RBCK1: variants seen among roughly 807,000 people sequenced by gnomAD.
RBCK1 encodes the protein RANBP2-type and C3HC4-type zinc finger containing 1.
Under a neutral mutation model 71.1 loss-of-function variants are expected in RBCK1, and 44 were observed. That is an observed-to-expected ratio of 0.62 (90% CI 0.49 to 0.80). The LOEUF (loss-of-function observed/expected upper bound fraction) is 0.80, where lower values mean the gene tolerates loss of function less well. Ranked by LOEUF, RBCK1 falls within the 30% of genes least tolerant of loss-of-function variation. RBCK1 has a pLI of 0.00. For synonymous variants in RBCK1, 306 were observed against 279.7 expected, an observed-to-expected ratio of 1.09 and a Z score of -0.94; for missense variants, 569 against 685.0, an observed-to-expected ratio of 0.83 and a Z score of 1.89.
At position 409,862 on chromosome 20, in the gene RBCK1, C is replaced by T; in HGVS notation, c.23-19C>T. 1 of 1,611,410 alleles carries T rather than the reference C, an allele frequency of 6.2e-7. No homozygotes were observed. The highest frequency in any genetic ancestry group is 1.7e-5 in the Admixed American group (1 of 59,802). On this transcript the variant is annotated intron_variant, in intron 1 of 11. Coordinates refer to ENST00000356286, the MANE Select transcript of RBCK1 (RefSeq NM_031229.4). ...AAATAAACCCTGTGCTAACTGGCTC[C>T]TGCTGTACTGGCTTTCAGCAGAGGA...
chr20:419,247 T>G, intron 4 of RBCK1, 100 bp from the exon 5 acceptor site: 1 of 1,507,924 alleles, frequency 6.6e-7, no homozygotes, highest in South Asian at 1.2e-5. Context: ...AGGGAGAGGA[T>G]AGGGGGAGGG....
At chr20:421,422 G>A (rs537866020) in intron 7 of RBCK1, among the ~76,000 whole-genome samples, 3 of 152,326 alleles carry the variant, frequency 2.0e-5, no homozygotes, top group African/African-American at 7.2e-5. Flanking sequence ...CACCACAGCG[G>A]ACCCTTGTGG....
chr20:421,801 G>A, intron 7 of RBCK1: 1 of 319,524 alleles, frequency 3.1e-6, no homozygotes, highest in Non-Finnish European at 5.9e-6. Flanking sequence ...TGGGTAGGAT[G>A]GGAGTCACTG....
chr20:426,090 T>C (rs6051939), intron 8 of RBCK1, among the ~76,000 whole-genome samples: 6,230 of 152,258 alleles, frequency 0.041, 362 homozygotes, highest in African/African-American at 0.13. Flanking sequence ...TTTTTGCGGG[T>C]ACATAGTTGG....
chr20:426,137 C>T (rs537892511), intron 8 of RBCK1, among the ~76,000 whole-genome samples: 1 of 152,288 alleles, frequency 6.6e-6, no homozygotes, highest in South Asian at 2.1e-4. Flanking sequence ...TACTTTGATA[C>T]AGGCATGCAA....
At chr20:415,368 C>CA (rs772851007) in intron 2 of RBCK1, among the ~76,000 whole-genome samples, 39 of 38,024 alleles carry the variant, frequency 1.0e-3, no homozygotes, top group Non-Finnish European at 1.5e-3. Flanking sequence ...GACCCTGTCT[C>CA]AAAAAAAACA....
In RBCK1 at chr20:427,360, C is replaced by T. The variant is rs1423925728; in HGVS notation, c.1077C>T (p.Ser359=). ...AGCGATTTCTAGACCTGGGCATCTC[C>T]ATTGCTGAAAACCGCAGTGCCTTCA... ...DYQRFLDLGI[S]IAENRSAFSY... is the part of the protein sequence containing the mutation. The change falls in exon 9 of 12, where the codon TCC becomes TCT. Residue 359 remains serine, a synonymous_variant. Coordinates refer to ENST00000356286, the MANE Select transcript of RBCK1 (RefSeq NM_031229.4). 5 of 1,614,034 alleles carry T rather than the reference C, an allele frequency of 3.1e-6. No individual in the cohort carries two copies. Among genetic ancestry groups the T allele is most frequent in the Admixed American group, 1.7e-5 (1 of 59,994 alleles).
At chr20:421,397 G>T (rs571951673) in intron 7 of RBCK1, among the ~76,000 whole-genome samples, 1 of 152,164 alleles carries the variant, frequency 6.6e-6, no homozygotes, top group Admixed American at 6.5e-5. Flanking sequence ...TGAATGTGGG[G>T]AACACAGACC....
intron 2 of RBCK1, chr20:410,445 C>T: frequency 1.3e-6 from 1 of 779,728 alleles, no homozygotes; most frequent in Non-Finnish European, 2.4e-6. Flanking sequence ...ATTCCAGCTC[C>T]ATCCAGCCAT....
intron 8 of RBCK1, among the ~76,000 whole-genome samples, chr20:425,644 T>TTTTTTTG (rs61202599): frequency 7.9e-6 from 1 of 125,966 alleles, no homozygotes; most frequent in African/African-American, 2.8e-5. Flanking sequence ...TTTTTTTTTT[T>TTTTTTTG]GAGACGAAGT....
chr20:428,873 T>C lies in RBCK1; in HGVS notation c.1309-78T>C. On this transcript the variant is annotated intron_variant, in intron 10 of 11. Coordinates refer to ENST00000356286, the MANE Select transcript of RBCK1 (RefSeq NM_031229.4). The surrounding 1 kb of genome is among the most constrained non-coding windows in gnomAD (Gnocchi z 5.7). ...TCCACAGCTCTAGAGGGTCACCACC[T>C]TCTCCCTGCCATGGGGAGGGGCCAG... 1 of 1,504,102 alleles carries C rather than the reference T, an allele frequency of 6.6e-7. No individual in the cohort carries two copies. The highest frequency in any genetic ancestry group is 8.8e-7 in the Non-Finnish European group (1 of 1,134,926). The allele number at this position is 1,504,102 out of a possible 1,614,324, so 93.2% of individuals were successfully genotyped here. A position where few individuals can be genotyped will look rare whatever the true frequency, so the allele number is the denominator to read the frequency against.
chr20:431,239 C>T lies in RBCK1; in HGVS notation c.*809C>T, dbSNP rs556270791. Among the ~76,000 whole-genome samples, 3 of 151,996 alleles carry T rather than the reference C, an allele frequency of 2.0e-5. No homozygotes were observed. The highest frequency in any genetic ancestry group is 6.6e-5 in the Admixed American group (1 of 15,254). On this transcript the variant is annotated 3_prime_UTR_variant, in exon 12 of 12. Transcript: ENST00000356286. The surrounding 1 kb of genome is among the most constrained non-coding windows in gnomAD (Gnocchi z 4.8). ...CTGCAGAGAAGGATGGGCTTAGGGG[C>T]GGGAGGGGAAGTCTTGCCACTCCTG...
In RBCK1 at chr20:408,468, C is replaced by G; in HGVS notation, c.-290C>G. On this transcript the variant is annotated 5_prime_UTR_variant, in exon 1 of 12. Transcript: ENST00000356286. ...GGGTGGTGTCCGGGCGTCCTTTCCC[C>G]GCTTCTTCCCACCTCGGCTGGTCCC... 1.9e-6 allele frequency: 1 copy of G among 530,038 alleles called. No individual in the cohort carries two copies. The highest frequency in any genetic ancestry group is 2.3e-5 in the South Asian group (1 of 43,940). The allele number at this position is 530,038 out of a possible 1,614,324, so 32.8% of individuals were successfully genotyped here. A position where few individuals can be genotyped will look rare whatever the true frequency, so the allele number is the denominator to read the frequency against.
At position 417,795 on chromosome 20, in the gene RBCK1, C is replaced by T. The variant is rs1568554654; in HGVS notation, c.325C>T (p.Arg109Ter). 19 of 1,614,028 alleles carry T rather than the reference C, an allele frequency of 1.2e-5. No individual in the cohort carries two copies. The highest frequency in any genetic ancestry group is 2.2e-5 in the South Asian group (2 of 91,082). ...GTGGGTGATTGGGCAGCGGCTGGCACGAGACCAGGAGACCCTGCACTCCCA... is the reference window on the plus strand; with the variant it reads ...GTGGGTGATTGGGCAGCGGCTGGCATGAGACCAGGAGACCCTGCACTCCCA... Reference protein sequence around the residue: ...QQWVIGQRLARDQETLHSHGV... With the variant: ...QQWVIGQRLA The change falls in exon 4 of 12, where the codon CGA (arginine) becomes TGA (stop). Residue 109 changes from arginine (R) to a stop codon, truncating the protein, a stop_gained. Transcript: ENST00000356286. LOFTEE classifies it high-confidence loss of function. This position sits in a 1 kb window ranked among gnomAD's most constrained non-coding sequence, Gnocchi z 4.7.
chr20:431,024 C>G lies in RBCK1; in HGVS notation c.*594C>G, dbSNP rs975735100. On this transcript the variant is annotated 3_prime_UTR_variant, in exon 12 of 12. Transcript: ENST00000356286. This position sits in a 1 kb window ranked among gnomAD's most constrained non-coding sequence, Gnocchi z 4.8. ...ATGTCCTGGCCTGGGACTCTACACA[C>G]AGGCAGGATCCTGAGGTCTCTGGGA... is the stretch of plus-strand genomic sequence containing the variant. 1.3e-5 allele frequency: 2 copies of G among 152,514 alleles called. No homozygotes were observed. Among genetic ancestry groups the G allele is most frequent in the African/African-American group, 4.8e-5 (2 of 41,342 alleles). 9.4% of individuals were successfully genotyped at this position (152,514 alleles called of 1,614,324 possible).
Position 422,287 on chromosome 20 carries a change from A to G in RBCK1, c.1029+49A>G, listed in dbSNP as rs1326268206. The stretch of plus-strand genomic sequence containing the variant: ...TACCCCAAGTCCCAACTCCTAAGGA[A>G]CTGGGCCCTGAGCAGGCAGCAGACA... On this transcript the variant is annotated intron_variant, in intron 8 of 11. Transcript: ENST00000356286. The surrounding 1 kb of genome is among the most constrained non-coding windows in gnomAD (Gnocchi z 5.0). 2 of 1,473,916 alleles carry G rather than the reference A, an allele frequency of 1.4e-6. No individual in the cohort carries two copies. Among genetic ancestry groups the G allele is most frequent in the Non-Finnish European group, 9.5e-7 (1 of 1,057,214 alleles). 91.3% of individuals were successfully genotyped at this position (1,473,916 alleles called of 1,614,324 possible). A position where few individuals can be genotyped will look rare whatever the true frequency, so the allele number is the denominator to read the frequency against.
intron 6 of RBCK1, 75 bp downstream of exon 6, chr20:419,806 C>T (rs536150596): frequency 3.9e-4 from 570 of 1,474,984 alleles, no homozygotes; most frequent in South Asian, 4.5e-4. Flanking sequence ...GAGACACCTG[C>T]GCACTGCCGC....
At chr20:410,951 T>C (rs1363742338) in intron 2 of RBCK1, among the ~76,000 whole-genome samples, 2 of 152,174 alleles carry the variant, frequency 1.3e-5, no homozygotes, top group African/African-American at 4.8e-5. Flanking sequence ...TGTGCAACCA[T>C]TGCCACAATC....
chr20:416,065 A>C (rs2015965992), intron 2 of RBCK1, among the ~76,000 whole-genome samples: 1 of 152,192 alleles, frequency 6.6e-6, no homozygotes, highest in Non-Finnish European at 1.5e-5. Flanking sequence ...GGCAGGGACA[A>C]ATACCCAGAC....
Sources: allele counts gnomAD v4.1 joint callset (sites outside exome capture counted in the v4.1 genomes callset), GRCh38; gene constraint gnomAD v4.1.1; non-coding constraint Gnocchi (gnomAD v3.1); transcripts MANE v1.5; gene names NCBI Gene and HGNC (gene_info 2026-07-23, HGNC 2026-07-21).